Variants in CFAP20DC observed in about 807,000 individuals in gnomAD.
CFAP20DC encodes protein CFAP20DC.
CFAP20DC carries 84 observed loss-of-function variants against 101.7 expected under a neutral mutation model. That is an observed-to-expected ratio of 0.83 (90% CI 0.69 to 0.99). The LOEUF (loss-of-function observed/expected upper bound fraction) is 0.99. CFAP20DC is among the 50% of genes least tolerant of loss of function. The pLI is 0.00. For missense variants in CFAP20DC, 1,007 were observed against 970.3 expected (o/e 1.04, Z -0.50); for synonymous variants, 359 against 351.2 (o/e 1.02, Z -0.25).
intron 7 of CFAP20DC, among the ~76,000 whole-genome samples, chr3:58,884,036 C>G (rs1410016726): frequency 2.6e-5 from 4 of 152,058 alleles, no homozygotes; most frequent in African/African-American, 9.7e-5. Context: ...GGAGATTTAT[C>G]ATAAACATTC....
chr3:58,762,131 G>T (rs1310739472), intron 15 of CFAP20DC, among the ~76,000 whole-genome samples: 10 of 152,178 alleles, frequency 6.6e-5, no homozygotes, highest in Non-Finnish European at 4.4e-5. Flanking sequence ...AATGTTGACA[G>T]TGGGGTGTTA....
intron 3 of CFAP20DC, chr3:58,734,585 C>T (rs759422438): frequency 2.2e-6 from 1 of 456,426 alleles, no homozygotes; most frequent in African/African-American, 2.0e-5. Flanking sequence ...AAAAAACAAA[C>T]TCAGTCTCAC....
rs2073162704 is a variant in CFAP20DC, at chr3:58,795,377, C to T, written c.2237+11018G>A. 6.6e-6 allele frequency among the ~76,000 whole-genome samples: 1 copy of T among 152,210 alleles called. No homozygotes were observed. The highest frequency in any genetic ancestry group is 2.4e-5 in the African/African-American group (1 of 41,460). Reference sequence around the variant, plus strand: ...ATTCTGCCAGGTGCCGTGGCTCACGCCTGTAACCCAGCCCTTTGGGAGGCC... The same window carrying T: ...ATTCTGCCAGGTGCCGTGGCTCACGTCTGTAACCCAGCCCTTTGGGAGGCC... On this transcript the variant is annotated intron_variant, in intron 15 of 16. Transcript: ENST00000482387. The surrounding 1 kb of genome is among the most constrained non-coding windows in gnomAD (Gnocchi z 4.2).
At position 58,902,300 on chromosome 3, in the gene CFAP20DC, G is replaced by T. The variant is rs139324610; in HGVS notation, c.550+11408C>A. 2.6e-3 allele frequency among the ~76,000 whole-genome samples: 403 copies of T among 152,218 alleles called. 4 individuals are homozygous for T. Among genetic ancestry groups the T allele is most frequent in the African/African-American group, 8.6e-3 (359 of 41,534 alleles). On this transcript the variant is annotated intron_variant, in intron 6 of 16. Coordinates refer to ENST00000482387, the MANE Select transcript of CFAP20DC (RefSeq NM_001394063.1). The stretch of plus-strand genomic sequence containing the variant: ...GAATACCTGTTTTCCATTCTTTTGG[G>T]TATATACCTAGGAATGGAAATGTAG...
chr3:58,784,791 T>C (rs2072170053), intron 15 of CFAP20DC, among the ~76,000 whole-genome samples: 1 of 152,098 alleles, frequency 6.6e-6, no homozygotes. Flanking sequence ...CAAAAGTATA[T>C]AAGCTTTCTG....
intron 15 of CFAP20DC, among the ~76,000 whole-genome samples, chr3:58,770,434 A>C (rs1043877769): frequency 1.3e-5 from 2 of 152,212 alleles, no homozygotes; most frequent in Non-Finnish European, 2.9e-5. Flanking sequence ...CAATATTTAT[A>C]AGAGAGTGAA....
rs2093321703 is a variant in CFAP20DC, at chr3:59,001,898, A to T, written c.278+37659T>A. 6.6e-6 allele frequency among the ~76,000 whole-genome samples: 1 copy of T among 152,176 alleles called. No individual in the cohort carries two copies. The highest frequency in any genetic ancestry group is 2.4e-5 in the African/African-American group (1 of 41,410). ...TTAGTGTGGCTTGAGCGGAAGGACA[A>T]AAACGTGACATGTGGTAAAGAAGAG... On this transcript the variant is annotated intron_variant, in intron 4 of 16. Coordinates refer to ENST00000482387, the MANE Select transcript of CFAP20DC (RefSeq NM_001394063.1). The surrounding 1 kb of genome is among the most constrained non-coding windows in gnomAD (Gnocchi z 4.5).
intron 16 of CFAP20DC, among the ~76,000 whole-genome samples, chr3:58,751,917 C>G (rs973351295): frequency 1.6e-4 from 25 of 151,926 alleles, no homozygotes; most frequent in African/African-American, 5.6e-4. Context: ...GACTTGGTGT[C>G]TGGCATAAAG....
chr3:58,814,412 C>A lies in CFAP20DC; in HGVS notation c.2176-7956G>T, dbSNP rs536012009. Among the ~76,000 whole-genome samples, 503 of 151,510 alleles carry A rather than the reference C, an allele frequency of 3.3e-3. 15 individuals carry two copies. The highest frequency in any genetic ancestry group is 0.011 in the African/African-American group (464 of 41,012). ...CACAGCCAGTATCATACTGAATGGG[C>A]AAAAACTGGAAGCATTCCCTTTGAA... On this transcript the variant is annotated intron_variant, in intron 14 of 16. Transcript: ENST00000482387.
At chr3:59,013,800 A>T (rs990156072) in intron 4 of CFAP20DC, among the ~76,000 whole-genome samples, 7 of 152,192 alleles carry the variant, frequency 4.6e-5, no homozygotes, top group Admixed American at 2.6e-4. Context: ...CATATTTATG[A>T]CAGATGGCTA....
chr3:58,787,630 C>G (rs1459203141), intron 15 of CFAP20DC, among the ~76,000 whole-genome samples: 2 of 152,066 alleles, frequency 1.3e-5, no homozygotes, highest in Admixed American at 1.3e-4. Context: ...ACCCAGCAAT[C>G]CCATTACCGA....
At chr3:58,745,586 T>G (rs1295799104) in intron 16 of CFAP20DC, among the ~76,000 whole-genome samples, 1 of 152,170 alleles carries the variant, frequency 6.6e-6, no homozygotes, top group African/African-American at 2.4e-5. Flanking sequence ...GGTAGGGTTT[T>G]GAGGAAGATT....
rs114978317 is a variant in CFAP20DC at position 58,777,843 on chromosome 3, G to A, written c.2238-23980C>T. ...AGACAAGGCGCTGTCTGGAGACTGC[G>A]TGAAGGCATGCTGCAGAGAGACAGT... is the stretch of plus-strand genomic sequence containing the variant. On this transcript the variant is annotated intron_variant, in intron 15 of 16. Coordinates refer to ENST00000482387, the MANE Select transcript of CFAP20DC (RefSeq NM_001394063.1). Among the ~76,000 whole-genome samples, 704 of 152,266 alleles carry A rather than the reference G, an allele frequency of 4.6e-3. 4 individuals are homozygous for A. The highest frequency in any genetic ancestry group is 0.017 in the African/African-American group (688 of 41,536).
chr3:58,735,278 C>T (rs548087197), intron 3 of CFAP20DC, among the ~76,000 whole-genome samples: 11 of 152,198 alleles, frequency 7.2e-5, no homozygotes, highest in African/African-American at 9.6e-5. Context: ...CACCTGGGAA[C>T]GAAAATGAGT....
At chr3:59,008,308 G>A (rs1373838398) in intron 4 of CFAP20DC, among the ~76,000 whole-genome samples, 1 of 152,116 alleles carries the variant, frequency 6.6e-6, no homozygotes, top group Non-Finnish European at 1.5e-5. Flanking sequence ...GGGAGCTCTG[G>A]TAGTTCCTAC....
chr3:58,904,514 G>A (rs116766641), intron 6 of CFAP20DC, among the ~76,000 whole-genome samples: 109 of 152,182 alleles, frequency 7.2e-4, no homozygotes, highest in African/African-American at 2.5e-3. Flanking sequence ...TAGAAATAGA[G>A]CCTTAAACTA....
intron 15 of CFAP20DC, among the ~76,000 whole-genome samples, chr3:58,764,086 C>G (rs1392218942): frequency 6.6e-6 from 1 of 152,136 alleles, no homozygotes; most frequent in Non-Finnish European, 1.5e-5. Context: ...ATTTAAGTCT[C>G]CAGAGGTTTC....
At chr3:58,762,214 G>A (rs2069692386) in intron 15 of CFAP20DC, among the ~76,000 whole-genome samples, 1 of 151,948 alleles carries the variant, frequency 6.6e-6, no homozygotes, top group South Asian at 2.1e-4. Flanking sequence ...TATGAATCTG[G>A]GTGCTCCTGT....
At chr3:58,850,228 C>T (rs918318789) in intron 12 of CFAP20DC, among the ~76,000 whole-genome samples, 1 of 152,080 alleles carries the variant, frequency 6.6e-6, no homozygotes, top group South Asian at 2.1e-4. Context: ...TAAAATAATA[C>T]ATTTAAACTG....
Sources: allele counts gnomAD v4.1 joint callset (sites outside exome capture counted in the v4.1 genomes callset), GRCh38; gene constraint gnomAD v4.1.1; non-coding constraint Gnocchi (gnomAD v3.1); transcripts MANE v1.5; gene names NCBI Gene and HGNC (gene_info 2026-07-23, HGNC 2026-07-21).